Variants in SSBP3 observed in about 807,000 individuals in gnomAD.
SSBP3 encodes single-stranded DNA-binding protein 3.
SSBP3 carries 5 observed loss-of-function variants against 69.6 expected under a neutral mutation model. The observed-to-expected ratio is 0.07, with a 90% CI of 0.04 to 0.15. The LOEUF (loss-of-function observed/expected upper bound fraction) is 0.15. SSBP3 is among the 10% of genes least tolerant of loss of function. SSBP3 has a pLI of 1.00. For missense variants in SSBP3, 312 were observed against 534.0 expected (o/e 0.58, Z 4.10); for synonymous variants, 196 against 193.4 (o/e 1.01, Z -0.11).
intron 4 of SSBP3, among the ~76,000 whole-genome samples, chr1:54,323,719 G>T (rs1646254429): frequency 2.0e-5 from 3 of 152,206 alleles, no homozygotes; most frequent in African/African-American, 7.2e-5. Context: ...CTATCTGGAG[G>T]TGGAAAGGAC....
At chr1:54,406,036 T>TCGCCTCCGCCGCCGC in exon 1 of SSBP3, 2 of 1,329,340 alleles carry the variant, frequency 1.5e-6, no homozygotes, top group East Asian at 6.7e-5. Flanking sequence ...GCGCCGAGCC[T>TCGCCTCCGCCGCCGC]CGCCGCCGCC....
At position 54,279,267 on chromosome 1, in the gene SSBP3, G is replaced by A. The variant is rs138724132; in HGVS notation, c.366+2171C>T. Among the ~76,000 whole-genome samples the A allele has an allele frequency of 1.7e-3, 259 of 152,292 alleles. 2 individuals carry two copies. Among genetic ancestry groups the A allele is most frequent in the South Asian group, 6.8e-3 (33 of 4,820 alleles). ...GTCCAAAAGTTACCTCTGTTTGATG[G>A]TGGCTAGTAATGGCTAAATAAGGAC... On this transcript the variant is annotated intron_variant, in intron 5 of 17. Transcript: ENST00000610401.
intron 5 of SSBP3, among the ~76,000 whole-genome samples, chr1:54,261,030 G>A (rs112583075): frequency 0.067 from 10,259 of 152,192 alleles, 477 homozygotes; most frequent in South Asian, 0.22. Context: ...ATTTCCCAAC[G>A]GGCCACCCAC....
chr1:54,285,001 T>C (rs1432281650), intron 4 of SSBP3, among the ~76,000 whole-genome samples: 1 of 152,136 alleles, frequency 6.6e-6, no homozygotes, highest in Non-Finnish European at 1.5e-5. Context: ...AGTTTTGCTG[T>C]TCTCCAATGA....
chr1:54,274,701 C>T (rs925667816), intron 5 of SSBP3, among the ~76,000 whole-genome samples: 4 of 152,230 alleles, frequency 2.6e-5, no homozygotes, highest in Admixed American at 6.5e-5. Context: ...CTGGACTCCA[C>T]ACTGGCCAGC....
intron 4 of SSBP3, among the ~76,000 whole-genome samples, chr1:54,326,937 C>G (rs1338882799): frequency 1.3e-5 from 2 of 151,862 alleles, no homozygotes; most frequent in Admixed American, 1.3e-4. Context: ...GGTTTGTGGA[C>G]CTAGGAAACG....
intron 4 of SSBP3, among the ~76,000 whole-genome samples, chr1:54,369,222 G>C (rs549250622): frequency 7.2e-4 from 108 of 151,006 alleles, no homozygotes; most frequent in Non-Finnish European, 1.3e-3. Context: ...TTGAGTCGGG[G>C]GGGGGGCCCA....
At chr1:54,344,633 GA>G (rs1390174398) in intron 4 of SSBP3, among the ~76,000 whole-genome samples, 2 of 152,180 alleles carry the variant, frequency 1.3e-5, no homozygotes, top group African/African-American at 4.8e-5. Context: ...GTAAAGAGAG[GA>G]AAGAATTGGG....
chr1:54,311,381 A>T (rs1260401972), intron 4 of SSBP3, among the ~76,000 whole-genome samples: 1 of 152,188 alleles, frequency 6.6e-6, no homozygotes, highest in Non-Finnish European at 1.5e-5. Flanking sequence ...AGTGGGTCCA[A>T]GCCCTACTGG....
chr1:54,380,169 C>A (rs1301024928), intron 4 of SSBP3, among the ~76,000 whole-genome samples: 2 of 152,208 alleles, frequency 1.3e-5, no homozygotes, highest in African/African-American at 4.8e-5. Flanking sequence ...TCGGCTCCCA[C>A]ACCAGGTCAT....
intron 4 of SSBP3, among the ~76,000 whole-genome samples, chr1:54,363,404 A>C (rs909701414): frequency 3.7e-5 from 5 of 133,534 alleles, no homozygotes; most frequent in Admixed American, 3.5e-4. Flanking sequence ...AGCACAATTC[A>C]AAAGTATTTA....
intron 4 of SSBP3, among the ~76,000 whole-genome samples, chr1:54,309,979 G>A (rs1277988188): frequency 6.6e-6 from 1 of 152,166 alleles, no homozygotes; most frequent in South Asian, 2.1e-4. Context: ...CAAAAGGCGA[G>A]ACACAGCATG....
intron 4 of SSBP3, among the ~76,000 whole-genome samples, chr1:54,332,913 T>C (rs528224647): frequency 6.6e-6 from 1 of 152,238 alleles, no homozygotes; most frequent in South Asian, 2.1e-4. Context: ...TAAGCAAACA[T>C]GCACGCACAC....
chr1:54,308,354 C>A lies in SSBP3; in HGVS notation c.277-26827G>T, dbSNP rs181124342. On this transcript the variant is annotated intron_variant, in intron 4 of 17. Coordinates refer to ENST00000610401, the Ensembl canonical transcript of SSBP3. ...CGGTGGCTCATGCCTGTAATCCCAGCACTTTGGGAGGCCAAGGTGGGTGGA... is the reference window on the plus strand; with the variant it reads ...CGGTGGCTCATGCCTGTAATCCCAGAACTTTGGGAGGCCAAGGTGGGTGGA... Among the ~76,000 whole-genome samples, 673 of 151,750 alleles carry A rather than the reference C, an allele frequency of 4.4e-3. 7 individuals carry two copies. Among genetic ancestry groups the A allele is most frequent in the African/African-American group, 0.015 (634 of 41,350 alleles).
intron 4 of SSBP3, among the ~76,000 whole-genome samples, chr1:54,348,516 C>G (rs1482189473): frequency 6.6e-6 from 1 of 152,190 alleles, no homozygotes; most frequent in African/African-American, 2.4e-5. Flanking sequence ...AGCTGCCGCA[C>G]TTCAAGCTCC....
At chr1:54,317,949 G>A (rs1423853180) in intron 4 of SSBP3, among the ~76,000 whole-genome samples, 2 of 152,128 alleles carry the variant, frequency 1.3e-5, no homozygotes, top group Non-Finnish European at 2.9e-5. Context: ...TGTATTTTTA[G>A]TAGAGACAGG....
chr1:54,235,587 G>A (rs1400302034), intron 14 of SSBP3, among the ~76,000 whole-genome samples: 1 of 151,472 alleles, frequency 6.6e-6, no homozygotes, highest in East Asian at 1.9e-4. Context: ...TGAGTAGCTG[G>A]GATTACAGGC....
intron 4 of SSBP3, among the ~76,000 whole-genome samples, chr1:54,290,312 C>T (rs1209326496): frequency 2.0e-5 from 3 of 152,192 alleles, no homozygotes; most frequent in African/African-American, 7.2e-5. Flanking sequence ...TTAAACATGA[C>T]CCTTAGGTAA....
chr1:54,413,132 C>T (rs1336826422), intron 1 of SSBP3: 2 of 152,210 alleles, frequency 1.3e-5, no homozygotes, highest in Non-Finnish European at 1.5e-5. Context: ...TCAGAGGTTC[C>T]CATGCTCCTG....
Sources: allele counts gnomAD v4.1 joint callset (sites outside exome capture counted in the v4.1 genomes callset), GRCh38; gene constraint gnomAD v4.1.1; transcripts MANE v1.5; gene names NCBI Gene and HGNC (gene_info 2026-07-23, HGNC 2026-07-21).